Variants in ZNF521 observed in about 807,000 individuals in gnomAD.
ZNF521 encodes LYST-interacting protein 3.
ZNF521 carries 14 observed loss-of-function variants against 105.5 expected under a neutral mutation model. The ratio of observed to expected loss-of-function variants is 0.13; its 90% CI spans 0.09 to 0.21. The LOEUF (loss-of-function observed/expected upper bound fraction) is 0.21, where lower values mean the gene tolerates loss of function less well. ZNF521 is among the 10% of genes least tolerant of loss of function. The probability of loss-of-function intolerance (pLI) is 1.00; values close to 1 mark genes in which losing one functional copy is unlikely to be tolerated. For missense variants in ZNF521, 1,233 were observed against 1,629.7 expected (o/e 0.76, Z 4.19); for synonymous variants, 635 against 606.0 (o/e 1.05, Z -0.70).
chr18:25,349,724 A>C (rs1331544290), intron 2 of ZNF521, among the ~76,000 whole-genome samples: 2 of 151,318 alleles, frequency 1.3e-5, no homozygotes, highest in Non-Finnish European at 3.0e-5. Flanking sequence ...GAGGAAGAGG[A>C]TGCTGCGCCG....
intron 5 of ZNF521, among the ~76,000 whole-genome samples, chr18:25,194,909 A>G (rs2033561046): frequency 6.6e-6 from 1 of 151,720 alleles, no homozygotes; most frequent in African/African-American, 2.4e-5. Flanking sequence ...TAGAAGTTTA[A>G]TTTGTTAATC....
chr18:25,156,555 T>C (rs1269886266), intron 5 of ZNF521, among the ~76,000 whole-genome samples: 1 of 152,342 alleles, frequency 6.6e-6, no homozygotes, highest in East Asian at 1.9e-4. Flanking sequence ...GTTTAATCCA[T>C]TGAAATCTTG....
intron 6 of ZNF521, 28 bp from the exon 7 acceptor site, chr18:25,089,608 G>C: frequency 6.3e-7 from 1 of 1,587,436 alleles, no homozygotes; most frequent in Non-Finnish European, 8.7e-7. Context: ...TGATGAACTT[G>C]GGTTATTTTG....
intron 3 of ZNF521, among the ~76,000 whole-genome samples, chr18:25,274,815 C>T (rs1909926267): frequency 6.6e-6 from 1 of 152,134 alleles, no homozygotes; most frequent in Admixed American, 6.5e-5. Context: ...AATATATTTA[C>T]AGTATCTTAA....
Position 25,225,002 on chromosome 18 carries a change from T to C in ZNF521, c.2916A>G (p.Leu972=). The C allele has an allele frequency of 2.5e-6, 4 of 1,614,130 alleles. No individual in the cohort carries two copies. Among genetic ancestry groups the C allele is most frequent in the Non-Finnish European group, 3.4e-6 (4 of 1,180,022 alleles). ...GCGTGACTTTGTGTTCAGTAAGAGTTAAAAGGGAGGGAAACCGCTCTCCGC... is the reference window on the plus strand; with the variant it reads ...GCGTGACTTTGTGTTCAGTAAGAGTCAAAAGGGAGGGAAACCGCTCTCCGC... ...PICGERFPSL[L]TLTEHKVTHS... Residue 972 remains leucine (L), a synonymous_variant, in exon 4 of 8, where the codon TTA becomes TTG. Coordinates refer to ENST00000361524, the MANE Select transcript of ZNF521 (RefSeq NM_015461.3). This position sits in a 1 kb window ranked among gnomAD's most constrained non-coding sequence, Gnocchi z 5.6.
At chr18:25,245,739 G>A (rs927159070) in intron 3 of ZNF521, among the ~76,000 whole-genome samples, 5 of 152,164 alleles carry the variant, frequency 3.3e-5, no homozygotes, top group Non-Finnish European at 7.3e-5. Flanking sequence ...TCTGCTGGGC[G>A]TGGTGGCTCA....
At chr18:25,153,916 C>T (rs1053128032) in intron 5 of ZNF521, among the ~76,000 whole-genome samples, 1 of 152,186 alleles carries the variant, frequency 6.6e-6, no homozygotes, top group Admixed American at 6.5e-5. Flanking sequence ...CTCCCTCATA[C>T]AATCCTGAGT....
chr18:25,171,288 C>A (rs1189322394), intron 5 of ZNF521, among the ~76,000 whole-genome samples: 4 of 152,122 alleles, frequency 2.6e-5, no homozygotes, highest in Non-Finnish European at 1.5e-5. Flanking sequence ...TGAATGGATT[C>A]CCTTTTGTAT....
At chr18:25,130,901 C>CCA (rs1373197871) in intron 5 of ZNF521, among the ~76,000 whole-genome samples, 1 of 152,086 alleles carries the variant, frequency 6.6e-6, no homozygotes, top group Non-Finnish European at 1.5e-5. Context: ...TATGATCACA[C>CCA]CACTGCACTC....
chr18:25,323,351 A>G (rs1913037124), intron 2 of ZNF521, among the ~76,000 whole-genome samples: 1 of 152,200 alleles, frequency 6.6e-6, no homozygotes, highest in Admixed American at 6.5e-5. Context: ...CATTATCTGT[A>G]GCCACATTTT....
intron 4 of ZNF521, among the ~76,000 whole-genome samples, chr18:25,197,800 G>A (rs2035927566): frequency 6.6e-6 from 1 of 151,708 alleles, no homozygotes; most frequent in South Asian, 2.1e-4. Context: ...GAACATAGGG[G>A]CACAATGTAA....
chr18:25,336,713 A>C (rs8093666), intron 2 of ZNF521, among the ~76,000 whole-genome samples: 70,012 of 152,006 alleles, frequency 0.46, 16,476 homozygotes, highest in Middle Eastern at 0.51. Context: ...TCTAGCCCCC[A>C]CAAAACAGGC....
At chr18:25,199,616 A>G (rs2144648914) in intron 4 of ZNF521, among the ~76,000 whole-genome samples, 1 of 152,240 alleles carries the variant, frequency 6.6e-6, no homozygotes, top group South Asian at 2.1e-4. Flanking sequence ...ATAATCATAT[A>G]TAAGTAAATG....
At chr18:25,293,934 C>T (rs967092771) in intron 3 of ZNF521, among the ~76,000 whole-genome samples, 3 of 152,228 alleles carry the variant, frequency 2.0e-5, no homozygotes, top group East Asian at 3.9e-4. Context: ...TACTTGCTTG[C>T]AAATAATTTC....
At chr18:25,094,669 T>C (rs986928460) in intron 5 of ZNF521, among the ~76,000 whole-genome samples, 4 of 152,114 alleles carry the variant, frequency 2.6e-5, no homozygotes, top group African/African-American at 9.7e-5. Flanking sequence ...CCTAGTTATT[T>C]CCATAGGAGA....
At chr18:25,128,087 C>T (rs1271819554) in intron 5 of ZNF521, among the ~76,000 whole-genome samples, 2 of 151,752 alleles carry the variant, frequency 1.3e-5, no homozygotes, top group Non-Finnish European at 2.9e-5. Flanking sequence ...AAAATATTAG[C>T]AAATTGAATC....
intron 2 of ZNF521, among the ~76,000 whole-genome samples, chr18:25,334,323 GATTA>G (rs35948523): frequency 0.34 from 51,468 of 151,598 alleles, 8,987 homozygotes; most frequent in East Asian, 0.65. Flanking sequence ...GTGGCCAGTG[GATTA>G]ATTATTTCTA....
intron 3 of ZNF521, among the ~76,000 whole-genome samples, chr18:25,301,094 T>C (rs1455025973): frequency 1.3e-5 from 2 of 152,222 alleles, no homozygotes; most frequent in Admixed American, 6.5e-5. Flanking sequence ...TTACTTTTTC[T>C]TCCATCATAT....
rs575865736 is a variant in ZNF521, at chr18:25,282,629, C to T, written c.220+39379G>A. ...TGCCAAAAACAATATTCCATCCCCA[C>T]TGTGACAGGGCATCAGAGGGATCTT... On this transcript the variant is annotated intron_variant, in intron 3 of 7. Coordinates refer to ENST00000361524, the MANE Select transcript of ZNF521 (RefSeq NM_015461.3). Among the ~76,000 whole-genome samples, 20 of 152,222 alleles carry T rather than the reference C, an allele frequency of 1.3e-4. No individual in the cohort carries two copies. The South Asian group carries it at 2.9e-3, about 22-fold the overall frequency.
Sources: gnomAD v4.1 joint callset for allele counts (sites outside exome capture counted in the v4.1 genomes callset) on GRCh38, gnomAD v4.1.1 for gene constraint, Gnocchi (gnomAD v3.1) non-coding constraint, MANE v1.5 for transcripts, NCBI Gene and HGNC (gene_info 2026-07-23, HGNC 2026-07-21) for gene names.